The following GRXCR2 variants were observed in gnomAD, a reference collection of about 807,000 sequenced individuals.
GRXCR2 encodes the protein glutaredoxin domain-containing cysteine-rich protein 2.
Under a neutral mutation model 24.8 loss-of-function variants are expected in GRXCR2, and 23 were observed. That is an observed-to-expected ratio of 0.93 (90% CI 0.67 to 1.32). The LOEUF is 1.32. Among genes scored for constraint, GRXCR2 ranks in the 40% most tolerant of loss-of-function variants. GRXCR2 has a pLI of 0.00. For missense variants in GRXCR2, 315 were observed against 303.4 expected (o/e 1.04, Z -0.28); for synonymous variants, 130 against 116.1 (o/e 1.12, Z -0.77).
At chr5:145,914,137 C>T (rs185614017) in intron 2 of GRXCR2, among the ~76,000 whole-genome samples, 1 of 152,254 alleles carries the variant, frequency 6.6e-6, no homozygotes, top group East Asian at 1.9e-4. Flanking sequence ...CGGCTGGCCA[C>T]TCCTCTTCTT....
chr5:145,931,630 C>G (rs1213790912), intron 2 of GRXCR2, among the ~76,000 whole-genome samples: 1 of 152,192 alleles, frequency 6.6e-6, no homozygotes, highest in Non-Finnish European at 1.5e-5. Flanking sequence ...TGCTGTTGTC[C>G]TCCAGTCATT....
intron 2 of GRXCR2, among the ~76,000 whole-genome samples, chr5:145,920,244 C>G (rs755377114): frequency 2.6e-5 from 4 of 152,168 alleles, no homozygotes; most frequent in Admixed American, 6.5e-5. Flanking sequence ...TGTTGCCAGG[C>G]ACTGTCCTCA....
intron 2 of GRXCR2, among the ~76,000 whole-genome samples, chr5:145,865,867 G>A (rs746762043): frequency 6.6e-6 from 1 of 152,184 alleles, no homozygotes; most frequent in Non-Finnish European, 1.5e-5. Context: ...GCCAGGCACG[G>A]TGGCTCATGC....
At chr5:145,861,822 C>G (rs1318697097) in intron 2 of GRXCR2, among the ~76,000 whole-genome samples, 1 of 152,140 alleles carries the variant, frequency 6.6e-6, no homozygotes, top group African/African-American at 2.4e-5. Context: ...TAAAAATAAT[C>G]CCTGAAAAGG....
intron 2 of GRXCR2, among the ~76,000 whole-genome samples, chr5:145,919,556 G>T (rs1468398844): frequency 6.6e-6 from 1 of 152,160 alleles, no homozygotes; most frequent in Admixed American, 6.5e-5. Flanking sequence ...TATTTCTCGC[G>T]AATCAATTGC....
At chr5:145,914,953 T>TG (rs1757216981) in intron 2 of GRXCR2, among the ~76,000 whole-genome samples, 1 of 152,202 alleles carries the variant, frequency 6.6e-6, no homozygotes, top group Admixed American at 6.5e-5. Flanking sequence ...AAGAGAGGCG[T>TG]GGGGACTTGC....
intron 2 of GRXCR2, among the ~76,000 whole-genome samples, chr5:145,901,094 A>T (rs892104465): frequency 6.6e-6 from 1 of 150,998 alleles, no homozygotes; most frequent in African/African-American, 2.4e-5. Flanking sequence ...GAAGGTAAAT[A>T]TCAGATATTC....
intron 2 of GRXCR2, among the ~76,000 whole-genome samples, chr5:145,861,174 A>G (rs568504560): frequency 1.8e-3 from 269 of 152,162 alleles, no homozygotes; most frequent in African/African-American, 6.1e-3. Flanking sequence ...CTCTGGCATG[A>G]ACTGAGTGTG....
chr5:145,873,039 G>A (rs111652597), upstream of GRXCR2: 2 of 1,291,390 alleles, frequency 1.5e-6, no homozygotes, highest in Non-Finnish European at 2.2e-6. Context: ...TGAGAAAAAG[G>A]CATTTTATTT....
intron 2 of GRXCR2, among the ~76,000 whole-genome samples, chr5:145,930,076 A>C (rs1323928806): frequency 6.6e-6 from 1 of 151,892 alleles, no homozygotes; most frequent in Non-Finnish European, 1.5e-5. Context: ...TTATTTATTT[A>C]TTTATTATTT....
intron 1 of GRXCR2, among the ~76,000 whole-genome samples, chr5:145,869,826 G>C (rs918806997): frequency 1.3e-5 from 2 of 152,000 alleles, no homozygotes; most frequent in African/African-American, 4.8e-5. Flanking sequence ...CCAAGTGCTG[G>C]GATTACAGGT....
chr5:145,903,704 G>T (rs1561687383), intron 2 of GRXCR2, among the ~76,000 whole-genome samples: 1 of 152,158 alleles, frequency 6.6e-6, no homozygotes, highest in Non-Finnish European at 1.5e-5. Context: ...AACTGTGGAG[G>T]TTATGGGAAG....
At chr5:145,876,613 A>T (rs1278478171), upstream of GRXCR2, among the ~76,000 whole-genome samples, 2 of 152,170 alleles carry the variant, frequency 1.3e-5, no homozygotes, top group Non-Finnish European at 2.9e-5. Context: ...AATTGCCCCA[A>T]AATGAATGTC....
At chr5:145,889,164 G>A (rs1219887622) in intron 2 of GRXCR2, among the ~76,000 whole-genome samples, 10 of 108,514 alleles carry the variant, frequency 9.2e-5, no homozygotes, top group Admixed American at 4.8e-4. Context: ...CCGAGACTCT[G>A]TCTCAAAAAA....
intron 2 of GRXCR2, among the ~76,000 whole-genome samples, chr5:145,890,508 T>C (rs1022130161): frequency 1.6e-4 from 25 of 152,180 alleles, no homozygotes; most frequent in African/African-American, 5.8e-4. Context: ...CTGGAAAGTA[T>C]ATTTGAAAAA....
intron 2 of GRXCR2, among the ~76,000 whole-genome samples, chr5:145,902,627 G>T (rs1378926579): frequency 6.6e-6 from 1 of 152,192 alleles, no homozygotes; most frequent in Non-Finnish European, 1.5e-5. Flanking sequence ...AAAGGAATCA[G>T]TGAGTGACGC....
rs565027738 is a variant in GRXCR2 at position 145,924,454 on chromosome 5, A to C, written c.-70+11247T>G. Among the ~76,000 whole-genome samples the C allele has an allele frequency of 4.0e-4, 61 of 152,272 alleles. No individual in the cohort carries two copies. In the East Asian group the frequency reaches 5.6e-3, roughly 14 times the overall value. Reference sequence around the variant, plus strand: ...CTCTCTCCCTTTCTGTTTCAGGCTTATCTCCCTTTGTGTTTCTTGGAGATT... The same window carrying C: ...CTCTCTCCCTTTCTGTTTCAGGCTTCTCTCCCTTTGTGTTTCTTGGAGATT... On this transcript the variant is annotated intron_variant, in intron 2 of 3. Coordinates refer to the GRXCR2 transcript ENST00000639411.
downstream of GRXCR2, among the ~76,000 whole-genome samples, chr5:145,857,695 G>A (rs1756261719): frequency 6.6e-6 from 1 of 152,162 alleles, no homozygotes; most frequent in Non-Finnish European, 1.5e-5. Context: ...TATTTATTAT[G>A]TGATGAAAAA....
In GRXCR2 at chr5:145,910,837, AGTGTGT is replaced by A. The variant is rs59096502; in HGVS notation, c.-70+24858_-70+24863del. Among the ~76,000 whole-genome samples, 32 of 150,310 alleles carry A rather than the reference AGTGTGT, an allele frequency of 2.1e-4. No individual in the cohort carries two copies. The East Asian group carries it at 3.8e-3, about 18-fold the overall frequency. ...GTAGATAAGAAGGGGAACTATGTGA[AGTGTGT>A]GTGTGTGTGTGTGTGTACCCGTGCA... is the stretch of plus-strand genomic sequence containing the variant. On this transcript the variant is annotated intron_variant, in intron 2 of 3. Transcript: ENST00000639411.
Sources: gnomAD v4.1 joint callset for allele counts (sites outside exome capture counted in the v4.1 genomes callset) on GRCh38, gnomAD v4.1.1 for gene constraint, MANE v1.5 for transcripts, NCBI Gene and HGNC (gene_info 2026-07-23, HGNC 2026-07-21) for gene names.